Variants in GRIP1 observed in about 807,000 individuals in gnomAD.
GRIP1 encodes glutamate receptor-interacting protein 1.
A neutral mutation model predicts 129.9 loss-of-function variants in GRIP1; 45 were observed. The observed-to-expected ratio is 0.35, with a 90% confidence interval of 0.27 to 0.44. The LOEUF is 0.44. Ranked by LOEUF, GRIP1 falls within the 20% of genes least tolerant of loss-of-function variation. The probability of loss-of-function intolerance (pLI) is 1.00; values close to 1 mark genes in which losing one functional copy is unlikely to be tolerated. For missense variants in GRIP1, 1,196 were observed against 1,396.8 expected (o/e 0.86, Z 2.29); for synonymous variants, 530 against 520.8 (o/e 1.02, Z -0.24).
chr12:66,973,382 T>C (rs1260159061), intron 1 of GRIP1, among the ~76,000 whole-genome samples: 4 of 50,224 alleles, frequency 8.0e-5, no homozygotes, highest in Non-Finnish European at 1.7e-4. Context: ...TTCATTCTTT[T>C]TTTTTTTTTT....
At chr12:66,806,039 A>G (rs1175625230), upstream of GRIP1, among the ~76,000 whole-genome samples, 1 of 149,534 alleles carries the variant, frequency 6.7e-6, no homozygotes, top group Non-Finnish European at 1.5e-5. Context: ...AAAACAAACT[A>G]GAACAATTAA....
At chr12:66,934,280 A>G (rs191533201) in intron 1 of GRIP1, among the ~76,000 whole-genome samples, 11 of 152,300 alleles carry the variant, frequency 7.2e-5, no homozygotes, top group Admixed American at 2.6e-4. Flanking sequence ...ATCTTTCATT[A>G]TGCCCTTGCC....
Position 67,034,888 on chromosome 12 carries a change from G to A in GRIP1, c.58+34162C>T, listed in dbSNP as rs189706862. Among the ~76,000 whole-genome samples, 6 of 152,228 alleles carry A rather than the reference G, an allele frequency of 3.9e-5. No homozygotes were observed. The East Asian group carries it at 9.6e-4, about 24-fold the overall frequency. On this transcript the variant is annotated intron_variant, in intron 1 of 1. Transcript: ENST00000643019. Reference sequence around the variant, plus strand: ...CACATGACTGCATTCCACCTTTGCCGGTTTGGGTAATAGGAAGGCCTAATG... The same window carrying A: ...CACATGACTGCATTCCACCTTTGCCAGTTTGGGTAATAGGAAGGCCTAATG...
chr12:66,840,732 C>T (rs1369259773), intron 1 of GRIP1, among the ~76,000 whole-genome samples: 2 of 152,144 alleles, frequency 1.3e-5, no homozygotes, highest in African/African-American at 2.4e-5. Context: ...ACAAGAGTCC[C>T]CAAACTCTCT....
intron 2 of GRIP1, among the ~76,000 whole-genome samples, chr12:66,559,137 T>TA (rs55900328): frequency 0.056 from 7,890 of 141,628 alleles, 399 homozygotes; most frequent in Admixed American, 0.13. Context: ...CCCTTCATGA[T>TA]AAAAAAAAAA....
At chr12:67,038,455 T>C (rs913817376) in intron 1 of GRIP1, among the ~76,000 whole-genome samples, 17 of 152,198 alleles carry the variant, frequency 1.1e-4, no homozygotes, top group Non-Finnish European at 1.9e-4. Context: ...ACAATGTACA[T>C]TGATATAAAA....
At chr12:66,351,238 A>G (rs1432177837) in intron 24 of GRIP1, among the ~76,000 whole-genome samples, 2 of 152,216 alleles carry the variant, frequency 1.3e-5, no homozygotes, top group Non-Finnish European at 2.9e-5. Context: ...CTGCTTTGAA[A>G]GTCAGCTGTT....
In GRIP1 at chr12:67,046,520, T is replaced by C. The variant is rs564309059; in HGVS notation, c.58+22530A>G. On this transcript the variant is annotated intron_variant, in intron 1 of 1. Coordinates refer to the GRIP1 transcript ENST00000643019. ...TTTTAAATCTTACAGTATATTTACA[T>C]AGAACATAATAATAACCTCTGATAT... Among the ~76,000 whole-genome samples, 8 of 152,352 alleles carry C rather than the reference T, an allele frequency of 5.3e-5. No individual in the cohort carries two copies. The South Asian group carries it at 1.4e-3, about 28-fold the overall frequency.
At chr12:66,792,225 C>T (rs2038561700) in intron 1 of GRIP1, among the ~76,000 whole-genome samples, 1 of 152,156 alleles carries the variant, frequency 6.6e-6, no homozygotes, top group African/African-American at 2.4e-5. Flanking sequence ...TTGTTCATAA[C>T]ATCAAACAAC....
At chr12:67,005,567 C>G (rs1201038454) in intron 1 of GRIP1, among the ~76,000 whole-genome samples, 1 of 152,166 alleles carries the variant, frequency 6.6e-6, no homozygotes, top group Admixed American at 6.5e-5. Context: ...GCTACCAGGA[C>G]TAGAAGTATC....
chr12:66,660,031 C>T (rs2033401217), intron 1 of GRIP1, among the ~76,000 whole-genome samples: 1 of 152,146 alleles, frequency 6.6e-6, no homozygotes, highest in Non-Finnish European at 1.5e-5. Context: ...GTTCATGCTT[C>T]TTTAGAGAGA....
chr12:66,704,705 C>T (rs530205956), intron 1 of GRIP1, among the ~76,000 whole-genome samples: 1 of 152,200 alleles, frequency 6.6e-6, no homozygotes, highest in South Asian at 2.1e-4. Context: ...TTTCTTTTCT[C>T]TCACCCATTA....
intron 7 of GRIP1, among the ~76,000 whole-genome samples, chr12:66,480,434 A>G (rs1191254261): frequency 6.6e-6 from 1 of 152,178 alleles, no homozygotes; most frequent in Non-Finnish European, 1.5e-5. Flanking sequence ...ATGGAAAAAC[A>G]TTCCATTCTC....
In GRIP1 at chr12:67,027,768, G is replaced by A. The variant is rs183910281; in HGVS notation, c.58+41282C>T. 1.3e-4 allele frequency among the ~76,000 whole-genome samples: 20 copies of A among 152,298 alleles called. No homozygotes were observed. The East Asian group carries it at 3.7e-3, about 28-fold the overall frequency. ...TGGTGCACATAAGGTCACTCTGGCT[G>A]CAACCCAGAAGGCATGGCATGACAA... On this transcript the variant is annotated intron_variant, in intron 1 of 1. Coordinates refer to the GRIP1 transcript ENST00000643019.
At chr12:66,583,202 A>G (rs1168169133) in intron 2 of GRIP1, among the ~76,000 whole-genome samples, 21 of 151,082 alleles carry the variant, frequency 1.4e-4, no homozygotes, top group Non-Finnish European at 2.5e-4. Context: ...CTGGCTAGCC[A>G]TATGTAGAAA....
intron 1 of GRIP1, among the ~76,000 whole-genome samples, chr12:66,968,344 T>C (rs1592405899): frequency 6.6e-6 from 1 of 152,092 alleles, no homozygotes; most frequent in African/African-American, 2.4e-5. Context: ...ATATTTAAAG[T>C]GGGCTTCTTG....
intron 5 of GRIP1, among the ~76,000 whole-genome samples, chr12:66,527,300 G>C (rs570471647): frequency 1.8e-4 from 27 of 151,834 alleles, no homozygotes; most frequent in Non-Finnish European, 2.9e-5. Context: ...TGATAGACTG[G>C]ATTAAGAAAA....
At position 66,924,142 on chromosome 12, in the gene GRIP1, G is replaced by A. The variant is rs144476603; in HGVS notation, c.58+144908C>T. Among the ~76,000 whole-genome samples, 25 of 152,282 alleles carry A rather than the reference G, an allele frequency of 1.6e-4. No individual in the cohort carries two copies. In the East Asian group the frequency reaches 4.8e-3, roughly 29 times the overall value. ...TTACATGCATGAGCCACCATGCCCA[G>A]CCAATTTTTTGGCATATTTTAACAC... is the stretch of plus-strand genomic sequence containing the variant. On this transcript the variant is annotated intron_variant, in intron 1 of 1. Transcript: ENST00000643019.
Position 66,362,343 on chromosome 12 carries a change from G to C in GRIP1, c.3013-8780C>G, listed in dbSNP as rs144539978. 6.1e-3 allele frequency among the ~76,000 whole-genome samples: 922 copies of C among 151,712 alleles called. 17 individuals are homozygous for C. Among genetic ancestry groups the C allele is most frequent in the African/African-American group, 0.022 (889 of 41,268 alleles). On this transcript the variant is annotated intron_variant, in intron 23 of 24. Transcript: ENST00000359742. ...TAATTTTGTATTTTTAGTAGAGATGGGGTTTCTCCATGTTGGTCAGGCTGG... is the reference window on the plus strand; with the variant it reads ...TAATTTTGTATTTTTAGTAGAGATGCGGTTTCTCCATGTTGGTCAGGCTGG...
Sources: allele counts gnomAD v4.1 joint callset (sites outside exome capture counted in the v4.1 genomes callset), GRCh38; gene constraint gnomAD v4.1.1; transcripts MANE v1.5; gene names NCBI Gene and HGNC (gene_info 2026-07-23, HGNC 2026-07-21).